SGCZ: variants seen among roughly 807,000 people sequenced by gnomAD.
SGCZ encodes sarcoglycan zeta, also known as zeta-sarcoglycan.
In SGCZ, 40 loss-of-function variants were observed where a neutral mutation model predicts 41.3. That is an observed-to-expected ratio of 0.97 (90% CI 0.75 to 1.26). The LOEUF is 1.26. Ranked by LOEUF, SGCZ falls within the 50% of genes most tolerant of loss-of-function variation. The pLI, the probability that SGCZ is intolerant of heterozygous loss-of-function variation, is 0.00. For missense variants in SGCZ, 552 were observed against 369.8 expected, an observed-to-expected ratio of 1.49 and a Z score of -4.04; for synonymous variants, 206 against 137.5, an observed-to-expected ratio of 1.50 and a Z score of -3.49.
chr8:14,773,487 A>G lies in SGCZ; in HGVS notation c.40-218561T>C, dbSNP rs879560673. Among the ~76,000 whole-genome samples the G allele has an allele frequency of 3.4e-4, 52 of 152,196 alleles. 1 individual carries two copies. Among genetic ancestry groups the G allele is most frequent in the Non-Finnish European group, 2.9e-5 (2 of 68,032 alleles). On this transcript the variant is annotated intron_variant, in intron 1 of 7. Coordinates refer to ENST00000382080, the MANE Select transcript of SGCZ (RefSeq NM_139167.4). ...GTATCCAGATGGGGAAAGCTGAGCCATATGATCAACATTTCAAACTCTTCT... is the reference window on the plus strand; with the variant it reads ...GTATCCAGATGGGGAAAGCTGAGCCGTATGATCAACATTTCAAACTCTTCT...
At chr8:14,831,861 T>C (rs1458165387) in intron 1 of SGCZ, among the ~76,000 whole-genome samples, 2 of 27,080 alleles carry the variant, frequency 7.4e-5, no homozygotes, top group Non-Finnish European at 1.8e-4. Context: ...TATAAGTATG[T>C]ATATGTGTGT....
chr8:14,332,209 G>C lies in SGCZ; in HGVS notation c.235-8005C>G, dbSNP rs1179960619. ...CCAGTACTTTGGGAGGCCGAAGCGG[G>C]CGGATCACGAGTTCAGGAGATCGAG... On this transcript the variant is annotated intron_variant, in intron 2 of 7. Coordinates refer to ENST00000382080, the MANE Select transcript of SGCZ (RefSeq NM_139167.4). Among the ~76,000 whole-genome samples the C allele has an allele frequency of 7.2e-5, 11 of 152,120 alleles. No homozygotes were observed. In the East Asian group the frequency reaches 1.9e-3, roughly 27 times the overall value.
intron 1 of SGCZ, among the ~76,000 whole-genome samples, chr8:15,015,026 G>A (rs544078780): frequency 6.6e-6 from 1 of 152,276 alleles, no homozygotes; most frequent in Admixed American, 6.5e-5. Context: ...TAGACCACTT[G>A]AGGTCAGGAG....
chr8:14,353,183 T>A (rs1051740110), intron 2 of SGCZ, among the ~76,000 whole-genome samples: 1 of 150,514 alleles, frequency 6.6e-6, no homozygotes, highest in Non-Finnish European at 1.5e-5. Flanking sequence ...TCTGTTCCTC[T>A]TCATGGAGTT....
At chr8:14,999,166 T>C (rs1349926800) in intron 1 of SGCZ, among the ~76,000 whole-genome samples, 1 of 152,210 alleles carries the variant, frequency 6.6e-6, no homozygotes, top group South Asian at 2.1e-4. Flanking sequence ...CACACATATA[T>C]GAGAAACGGT....
chr8:14,472,389 C>A (rs1801237894), intron 2 of SGCZ, among the ~76,000 whole-genome samples: 1 of 152,082 alleles, frequency 6.6e-6, no homozygotes, highest in African/African-American at 2.4e-5. Flanking sequence ...GTACCATTCA[C>A]AGACCTACCA....
chr8:14,340,582 T>C (rs1206109981), intron 2 of SGCZ, among the ~76,000 whole-genome samples: 2 of 152,138 alleles, frequency 1.3e-5, no homozygotes, highest in East Asian at 3.9e-4. Flanking sequence ...CAAGCACAAG[T>C]ACTTGTAAGT....
At chr8:14,154,575 T>C (rs1803820201) in intron 5 of SGCZ, among the ~76,000 whole-genome samples, 1 of 152,212 alleles carries the variant, frequency 6.6e-6, no homozygotes, top group Admixed American at 6.5e-5. Flanking sequence ...ATTTTAAACC[T>C]AAAGAAAAGT....
intron 1 of SGCZ, among the ~76,000 whole-genome samples, chr8:15,154,311 A>C (rs1455461261): frequency 6.6e-6 from 1 of 152,186 alleles, no homozygotes; most frequent in African/African-American, 2.4e-5. Flanking sequence ...GAGTCACCTA[A>C]AGCAGCAGAC....
intron 1 of SGCZ, among the ~76,000 whole-genome samples, chr8:14,687,735 G>A (rs1034395936): frequency 5.3e-4 from 80 of 151,442 alleles, no homozygotes; most frequent in Non-Finnish European, 8.4e-4. Flanking sequence ...GGGTCAAATG[G>A]TATTTCTAGT....
intron 2 of SGCZ, among the ~76,000 whole-genome samples, chr8:14,519,178 A>G (rs1585624013): frequency 2.0e-5 from 3 of 152,038 alleles, no homozygotes; most frequent in Non-Finnish European, 2.9e-5. Context: ...TTAAATGAAT[A>G]AACAGTGCAG....
chr8:14,487,370 ATATAT>A (rs751903614), intron 2 of SGCZ, among the ~76,000 whole-genome samples: 7 of 152,328 alleles, frequency 4.6e-5, no homozygotes, highest in South Asian at 4.1e-4. Flanking sequence ...AAGGAATATA[ATATAT>A]TATGAGACAA....
At chr8:14,253,008 T>C (rs1443700481) in intron 3 of SGCZ, among the ~76,000 whole-genome samples, 1 of 152,144 alleles carries the variant, frequency 6.6e-6, no homozygotes, top group Non-Finnish European at 1.5e-5. Context: ...ATTTACTGGA[T>C]GCGACGTCCT....
chr8:14,404,285 G>C (rs1270958125), intron 2 of SGCZ, among the ~76,000 whole-genome samples: 1 of 151,842 alleles, frequency 6.6e-6, no homozygotes, highest in African/African-American at 2.4e-5. Context: ...AAATCTTTAA[G>C]GATTATATTA....
chr8:14,683,693 TG>T (rs1808517704), intron 1 of SGCZ, among the ~76,000 whole-genome samples: 1 of 152,122 alleles, frequency 6.6e-6, no homozygotes, highest in Non-Finnish European at 1.5e-5. Context: ...ATAGTACAAG[TG>T]TATAATTCTT....
intron 1 of SGCZ, among the ~76,000 whole-genome samples, chr8:15,217,788 C>G (rs1323414327): frequency 6.6e-6 from 1 of 152,102 alleles, no homozygotes; most frequent in Admixed American, 6.6e-5. Flanking sequence ...AGCAATAAGA[C>G]TTAAGAAACT....
At chr8:15,060,058 G>A (rs1483856402) in intron 1 of SGCZ, among the ~76,000 whole-genome samples, 1 of 152,166 alleles carries the variant, frequency 6.6e-6, no homozygotes, top group East Asian at 1.9e-4. Flanking sequence ...CTTAAGGGAT[G>A]AGAAAACGTC....
intron 1 of SGCZ, among the ~76,000 whole-genome samples, chr8:15,023,704 G>A (rs1803341403): frequency 6.6e-6 from 1 of 152,180 alleles, no homozygotes; most frequent in Non-Finnish European, 1.5e-5. Flanking sequence ...CCCATGCCAT[G>A]GAGAATTTGA....
At chr8:14,091,695 G>T (rs1360948654) in intron 7 of SGCZ, among the ~76,000 whole-genome samples, 1 of 150,714 alleles carries the variant, frequency 6.6e-6, no homozygotes, top group Non-Finnish European at 1.5e-5. Flanking sequence ...CTGTAAATTT[G>T]TTTGTTTAAG....
Sources: gnomAD v4.1 joint callset for allele counts (sites outside exome capture counted in the v4.1 genomes callset) on GRCh38, gnomAD v4.1.1 for gene constraint, MANE v1.5 for transcripts, NCBI Gene and HGNC (gene_info 2026-07-23, HGNC 2026-07-21) for gene names.